PCDHA2: variants seen among roughly 807,000 people sequenced by gnomAD.
PCDHA2 encodes protocadherin alpha-2.
PCDHA2 carries 58 observed loss-of-function variants against 66.0 expected under a neutral mutation model. That is an observed-to-expected ratio of 0.88 (90% CI 0.71 to 1.09). PCDHA2 has a LOEUF of 1.09. Ranked by LOEUF, PCDHA2 falls within the 50% of genes least tolerant of loss-of-function variation. The pLI is 0.00. For synonymous variants in PCDHA2, 634 were observed against 554.0 expected, an observed-to-expected ratio of 1.14 and a Z score of -2.03; for missense variants, 1,267 against 1,242.3, an observed-to-expected ratio of 1.02 and a Z score of -0.30.
At chr5:140,917,326 G>GT (rs1425389614) in intron 1 of PCDHA2, among the ~76,000 whole-genome samples, 1 of 149,490 alleles carries the variant, frequency 6.7e-6, no homozygotes, top group Non-Finnish European at 1.5e-5. Flanking sequence ...TCATGTGGCG[G>GT]GGGAGGGGGG....
chr5:140,837,753 T>G (rs1775240938), intron 1 of PCDHA2, among the ~76,000 whole-genome samples: 1 of 151,848 alleles, frequency 6.6e-6, no homozygotes, highest in South Asian at 2.1e-4. Context: ...TATAGCCCAC[T>G]GCAACCTGAA....
At chr5:140,931,323 T>A (rs912582961) in intron 1 of PCDHA2, among the ~76,000 whole-genome samples, 1 of 152,110 alleles carries the variant, frequency 6.6e-6, no homozygotes, top group Non-Finnish European at 1.5e-5. Context: ...CAGTAATGGC[T>A]GTAAAGTTTG....
chr5:140,963,454 T>G (rs1299471186), intron 1 of PCDHA2, among the ~76,000 whole-genome samples: 2 of 152,242 alleles, frequency 1.3e-5, no homozygotes, highest in African/African-American at 4.8e-5. Context: ...TGCTAAAGTA[T>G]TTCTGTGTTT....
intron 3 of PCDHA2, among the ~76,000 whole-genome samples, chr5:140,985,834 G>T (rs550087572): frequency 1.3e-5 from 2 of 150,860 alleles, no homozygotes; most frequent in South Asian, 4.2e-4. Flanking sequence ...CTGCCTCCCG[G>T]GTTCATGCCA....
At chr5:140,882,531 C>A (rs781969592) in intron 1 of PCDHA2, 2 of 1,614,218 alleles carry the variant, frequency 1.2e-6, no homozygotes, top group Non-Finnish European at 1.7e-6. Context: ...TTTGTGAATT[C>A]TCGGATCGAC....
At chr5:140,918,007 G>C (rs1313004826) in intron 1 of PCDHA2, among the ~76,000 whole-genome samples, 1 of 151,954 alleles carries the variant, frequency 6.6e-6, no homozygotes, top group Non-Finnish European at 1.5e-5. Context: ...TAACAATGTT[G>C]TTTCTTCCTA....
chr5:140,874,607 T>C (rs534439802), intron 1 of PCDHA2, among the ~76,000 whole-genome samples: 1 of 152,226 alleles, frequency 6.6e-6, no homozygotes, highest in Non-Finnish European at 1.5e-5. Context: ...TTTGGAGGCT[T>C]CAACTAAACA....
chr5:140,835,675 G>A (rs2150241595), intron 1 of PCDHA2: 3 of 1,613,800 alleles, frequency 1.9e-6, no homozygotes, highest in Admixed American at 1.7e-5. Context: ...CGGGACGGGG[G>A]CTCGCCTTCT....
chr5:140,826,085 A>C (rs1768809113), intron 1 of PCDHA2, among the ~76,000 whole-genome samples: 1 of 152,198 alleles, frequency 6.6e-6, no homozygotes, highest in African/African-American at 2.4e-5. Flanking sequence ...CAATTTTATA[A>C]GTACCCTTCT....
intron 1 of PCDHA2, among the ~76,000 whole-genome samples, chr5:140,845,780 T>C (rs1273116464): frequency 6.7e-6 from 1 of 149,642 alleles, no homozygotes; most frequent in Non-Finnish European, 1.5e-5. Context: ...TATAAATTAT[T>C]AATAATAAAC....
intron 1 of PCDHA2, among the ~76,000 whole-genome samples, chr5:140,820,722 AC>A (rs1367425301): frequency 6.6e-6 from 1 of 152,090 alleles, no homozygotes; most frequent in Non-Finnish European, 1.5e-5. Context: ...ATTTACTGGA[AC>A]CTAAACATTT....
rs2150251628 is a variant in PCDHA2, at chr5:140,836,057, G to C, written c.2388+38705G>C. On this transcript the variant is annotated intron_variant, in intron 1 of 3. Coordinates refer to ENST00000526136, the MANE Select transcript of PCDHA2 (RefSeq NM_018905.3). The stretch of plus-strand genomic sequence containing the variant: ...CGCTGCAGGTGTTCGTGCTGGACGA[G>C]AACGACAACGCGCCGGCACTGCTGG... The C allele has an allele frequency of 3.1e-6, 5 of 1,613,614 alleles. No homozygotes were observed. In the South Asian group the frequency reaches 4.4e-5, roughly 14 times the overall value.
At chr5:140,803,229 G>A (rs782531842) in intron 1 of PCDHA2, 3 of 1,613,826 alleles carry the variant, frequency 1.9e-6, no homozygotes, top group East Asian at 2.2e-5. Flanking sequence ...GGCACCCAAG[G>A]CCTCGTCCCA....
intron 1 of PCDHA2, chr5:140,966,731 G>A: frequency 7.1e-7 from 1 of 1,405,136 alleles, no homozygotes; most frequent in Non-Finnish European, 9.2e-7. Context: ...TGCCGCCTCC[G>A]GCCCTGCCCG....
chr5:140,962,269 T>A (rs1554225906), intron 1 of PCDHA2, among the ~76,000 whole-genome samples: 1 of 152,194 alleles, frequency 6.6e-6, no homozygotes, highest in Non-Finnish European at 1.5e-5. Flanking sequence ...TTTTATAATT[T>A]AAAAAACCTC....
intron 3 of PCDHA2, among the ~76,000 whole-genome samples, chr5:141,004,378 G>C (rs914260481): frequency 6.6e-6 from 1 of 152,316 alleles, no homozygotes; most frequent in South Asian, 2.1e-4. Context: ...TCTGCTCTGC[G>C]GAAGCTGGAC....
intron 1 of PCDHA2, chr5:140,841,234 C>A: frequency 6.8e-7 from 1 of 1,471,288 alleles, no homozygotes. Context: ...ACGGGAGATG[C>A]AGCGGAATTG....
At chr5:140,968,621 T>C (rs782017664) in intron 1 of PCDHA2, 11 of 1,614,190 alleles carry the variant, frequency 6.8e-6, no homozygotes, top group Non-Finnish European at 8.5e-6. Context: ...GCAAAATGCT[T>C]GGCTTTTTTA....
intron 1 of PCDHA2, chr5:140,803,100 C>T (rs139788338): frequency 1.9e-6 from 3 of 1,613,758 alleles, no homozygotes; most frequent in African/African-American, 2.7e-5. Flanking sequence ...CAGCACGACC[C>T]GTGCCCTGGA....
Sources: allele counts gnomAD v4.1 joint callset (sites outside exome capture counted in the v4.1 genomes callset), GRCh38; gene constraint gnomAD v4.1.1; transcripts MANE v1.5; gene names NCBI Gene and HGNC (gene_info 2026-07-23, HGNC 2026-07-21).